Variants in CFAP299 observed in about 807,000 individuals in gnomAD.
The protein encoded by CFAP299 is cilia and flagella associated protein 299.
CFAP299 carries 21 observed loss-of-function variants against 27.0 expected under a neutral mutation model. The ratio of observed to expected loss-of-function variants is 0.78; its 90% CI spans 0.55 to 1.12. CFAP299 has a LOEUF of 1.12. CFAP299 is among the 50% of genes most tolerant of loss of function. The pLI is 0.00. For synonymous variants in CFAP299, 104 were observed against 98.1 expected, an observed-to-expected ratio of 1.06 and a Z score of -0.36; for missense variants, 310 against 276.6, an observed-to-expected ratio of 1.12 and a Z score of -0.86.
chr4:80,348,251 A>G (rs1442259104), intron 1 of CFAP299, among the ~76,000 whole-genome samples: 1 of 152,244 alleles, frequency 6.6e-6, no homozygotes, highest in Non-Finnish European at 1.5e-5. Context: ...AGATTTCATG[A>G]TGAAAACACC....
chr4:80,366,551 A>G (rs1723845384), intron 2 of CFAP299, among the ~76,000 whole-genome samples: 1 of 152,232 alleles, frequency 6.6e-6, no homozygotes, highest in Non-Finnish European at 1.5e-5. Flanking sequence ...TGGGAATACA[A>G]TAGAAAACAA....
At chr4:80,344,577 G>A (rs112739198) in intron 1 of CFAP299, among the ~76,000 whole-genome samples, 11,224 of 152,108 alleles carry the variant, frequency 0.074, 1,225 homozygotes, top group African/African-American at 0.24. Flanking sequence ...GTATAAAGAA[G>A]AGCTGATATC....
intron 2 of CFAP299, among the ~76,000 whole-genome samples, chr4:80,581,310 T>G (rs1356549278): frequency 6.6e-6 from 1 of 151,352 alleles, no homozygotes; most frequent in African/African-American, 2.4e-5. Flanking sequence ...TATCGTAACA[T>G]GGAACACTCA....
chr4:80,499,475 T>A lies in CFAP299; in HGVS notation c.243-83618T>A, dbSNP rs114639075. Among the ~76,000 whole-genome samples the A allele has an allele frequency of 7.5e-3, 1,137 of 152,246 alleles. 12 individuals carry two copies. The highest frequency in any genetic ancestry group is 0.026 in the African/African-American group (1,086 of 41,560). ...TAATGATTTAGCTTTAAATATAATG[T>A]TTCTAATATTTCAACATTACTGTAC... On this transcript the variant is annotated intron_variant, in intron 2 of 5. Coordinates refer to ENST00000358105, the MANE Select transcript of CFAP299 (RefSeq NM_152770.3).
chr4:80,335,049 T>C (rs1016227919), upstream of CFAP299, among the ~76,000 whole-genome samples: 5 of 152,218 alleles, frequency 3.3e-5, no homozygotes, highest in African/African-American at 4.8e-5. Context: ...CACAATACTG[T>C]TCTGAAGAAA....
intron 4 of CFAP299, among the ~76,000 whole-genome samples, chr4:80,879,614 T>A (rs1468507933): frequency 6.6e-6 from 1 of 152,192 alleles, no homozygotes; most frequent in Non-Finnish European, 1.5e-5. Context: ...TTACTTTCAA[T>A]CGAAATTTAT....
intron 3 of CFAP299, among the ~76,000 whole-genome samples, chr4:80,844,022 C>A (rs1731020340): frequency 1.3e-5 from 2 of 152,002 alleles, no homozygotes; most frequent in Non-Finnish European, 2.9e-5. Flanking sequence ...TTTGTCCTTG[C>A]CATAGTTTGC....
intron 3 of CFAP299, among the ~76,000 whole-genome samples, chr4:80,723,357 T>A (rs1722950040): frequency 6.6e-6 from 1 of 152,000 alleles, no homozygotes; most frequent in Admixed American, 6.6e-5. Flanking sequence ...CATACATCAA[T>A]AGGCTAAAGG....
intron 3 of CFAP299, among the ~76,000 whole-genome samples, chr4:80,731,323 A>G (rs1007697874): frequency 1.3e-5 from 2 of 152,240 alleles, no homozygotes; most frequent in African/African-American, 2.4e-5. Context: ...CAGGCACAGT[A>G]AAATCACCAA....
chr4:80,898,324 C>G (rs1008526541), intron 4 of CFAP299, among the ~76,000 whole-genome samples: 4 of 151,892 alleles, frequency 2.6e-5, no homozygotes, highest in African/African-American at 9.7e-5. Flanking sequence ...CTGGCTATCC[C>G]CAGCCAGACT....
intron 3 of CFAP299, among the ~76,000 whole-genome samples, chr4:80,822,468 A>T (rs1399342439): frequency 6.6e-6 from 1 of 152,222 alleles, no homozygotes; most frequent in Non-Finnish European, 1.5e-5. Context: ...TTTAAATATA[A>T]TAATTAACAT....
intron 3 of CFAP299, among the ~76,000 whole-genome samples, chr4:80,844,783 C>T (rs1167312815): frequency 6.6e-6 from 1 of 152,154 alleles, no homozygotes; most frequent in Non-Finnish European, 1.5e-5. Context: ...TCAATTTTGG[C>T]TTTTGTTGCC....
chr4:80,534,005 A>T (rs1014308779), intron 2 of CFAP299, among the ~76,000 whole-genome samples: 6 of 152,130 alleles, frequency 3.9e-5, no homozygotes, highest in Admixed American at 3.9e-4. Flanking sequence ...CAGAGTTATC[A>T]GGGAACTACT....
chr4:80,735,799 A>G (rs943774263), intron 3 of CFAP299, among the ~76,000 whole-genome samples: 18 of 152,160 alleles, frequency 1.2e-4, no homozygotes, highest in Non-Finnish European at 2.6e-4. Context: ...CTTGGTCATC[A>G]TGAATAATCT....
chr4:80,468,701 G>C (rs1005635062), intron 2 of CFAP299, among the ~76,000 whole-genome samples: 4 of 151,754 alleles, frequency 2.6e-5, no homozygotes, highest in African/African-American at 9.7e-5. Context: ...CGGGCATGCT[G>C]GCGCCTGCCT....
intron 3 of CFAP299, among the ~76,000 whole-genome samples, chr4:80,681,003 C>T (rs894838525): frequency 6.6e-5 from 10 of 152,004 alleles, no homozygotes; most frequent in African/African-American, 2.4e-4. Context: ...GTATGGTAGC[C>T]TTGGAAGTAT....
At chr4:80,540,660 T>C (rs994320416) in intron 2 of CFAP299, among the ~76,000 whole-genome samples, 1 of 152,242 alleles carries the variant, frequency 6.6e-6, no homozygotes, top group East Asian at 1.9e-4. Context: ...TCCAGCGTGT[T>C]TCTACACATG....
At chr4:80,416,249 T>C (rs1366756125) in intron 2 of CFAP299, among the ~76,000 whole-genome samples, 2 of 152,238 alleles carry the variant, frequency 1.3e-5, no homozygotes, top group African/African-American at 4.8e-5. Flanking sequence ...CAACTTGACG[T>C]TGAAATTTAA....
chr4:80,380,103 A>G (rs1724621778), intron 2 of CFAP299, among the ~76,000 whole-genome samples: 1 of 152,084 alleles, frequency 6.6e-6, no homozygotes, highest in Admixed American at 6.6e-5. Context: ...CATATGCTTC[A>G]TGATTTTTTA....
Sources: allele counts gnomAD v4.1 joint callset (sites outside exome capture counted in the v4.1 genomes callset), GRCh38; gene constraint gnomAD v4.1.1; transcripts MANE v1.5; gene names NCBI Gene and HGNC (gene_info 2026-07-23, HGNC 2026-07-21).